The following SIPA1L2 variants were observed in gnomAD, a reference collection of about 807,000 sequenced individuals.
The protein encoded by SIPA1L2 is signal-induced proliferation-associated 1-like protein 2.
Under a neutral mutation model 163.9 loss-of-function variants are expected in SIPA1L2, and 56 were observed. That is an observed-to-expected ratio of 0.34 (90% CI 0.28 to 0.43). SIPA1L2 has a LOEUF of 0.43. Ranked by LOEUF, SIPA1L2 falls within the 20% of genes least tolerant of loss-of-function variation. The pLI is 1.00. For missense variants in SIPA1L2, 1,974 were observed against 2,193.5 expected (o/e 0.90, Z 2.00); for synonymous variants, 877 against 865.7 (o/e 1.01, Z -0.23).
At chr1:232,510,900 A>C (rs888068883) in intron 3 of SIPA1L2, among the ~76,000 whole-genome samples, 1 of 152,224 alleles carries the variant, frequency 6.6e-6, no homozygotes. Context: ...ATGTTCTAGT[A>C]TTTCAAAGTC....
intron 1 of SIPA1L2, among the ~76,000 whole-genome samples, chr1:232,623,020 G>C (rs1216791669): frequency 3.9e-5 from 6 of 152,194 alleles, no homozygotes; most frequent in Non-Finnish European, 7.3e-5. Context: ...CTGCCTGTTT[G>C]CTGCTTATGT....
At position 232,415,553 on chromosome 1, in the gene SIPA1L2, G is replaced by A. The variant is rs756539708; in HGVS notation, c.4703C>T (p.Pro1568Leu). The A allele has an allele frequency of 2.4e-5, 39 of 1,613,826 alleles. No homozygotes were observed. Among genetic ancestry groups the A allele is most frequent in the African/African-American group, 4.0e-5 (3 of 75,040 alleles). Residue 1568 changes from proline to leucine, a missense_variant, in exon 19 of 23, where the codon CCG becomes CTG. By Grantham distance (98) the Pro-to-Leu change is moderately conservative. Around this residue, in one of 3 missense-constraint regions of SIPA1L2, gnomAD observed 1,079 missense variants for 1,150.7 expected, o/e 0.94. Coordinates refer to ENST00000674635, the MANE Select transcript of SIPA1L2 (RefSeq NM_020808.5). ...CCAATCTAACCCTGTGGCTGTGTCC[G>A]GGAGGGGCATCAGGCCAGGATCTGC... is the stretch of plus-strand genomic sequence containing the variant. ...KCADPGLMPL[P>L]DTATGLDWTH...
chr1:232,574,422 T>C (rs1171995193), intron 1 of SIPA1L2, among the ~76,000 whole-genome samples, 200 bp from the exon 2 acceptor site: 2 of 149,514 alleles, frequency 1.3e-5, no homozygotes, highest in Non-Finnish European at 1.5e-5. Context: ...GAACATACGA[T>C]AGCACAAGAG....
chr1:232,617,470 T>C (rs1248275490), intron 1 of SIPA1L2, among the ~76,000 whole-genome samples: 1 of 152,244 alleles, frequency 6.6e-6, no homozygotes, highest in Non-Finnish European at 1.5e-5. Flanking sequence ...GAAAAGGTCA[T>C]GTGATCAAGA....
At chr1:232,416,143 T>C (rs900025546) in intron 18 of SIPA1L2, among the ~76,000 whole-genome samples, 2 of 150,374 alleles carry the variant, frequency 1.3e-5, no homozygotes, top group Non-Finnish European at 3.0e-5. Context: ...CCTCCCAGAG[T>C]CAGTCAGGAG....
At chr1:232,622,844 T>C (rs940683400) in intron 1 of SIPA1L2, among the ~76,000 whole-genome samples, 23 of 152,248 alleles carry the variant, frequency 1.5e-4, no homozygotes, top group African/African-American at 5.1e-4. Flanking sequence ...TGATTAGAAC[T>C]TGCTCAACAG....
intron 2 of SIPA1L2, among the ~76,000 whole-genome samples, chr1:232,554,952 A>G (rs2478158): frequency 0.65 from 98,205 of 152,172 alleles, 33,190 homozygotes; most frequent in East Asian, 0.88. Flanking sequence ...TGAAGTATTT[A>G]GCTTGCTTCC....
chr1:232,529,551 A>C (rs935815319), intron 2 of SIPA1L2, among the ~76,000 whole-genome samples: 8 of 152,160 alleles, frequency 5.3e-5, no homozygotes, highest in African/African-American at 1.9e-4. Flanking sequence ...GTGCCAGAAT[A>C]CAGCTTGGCT....
chr1:232,404,254 G>A, intron 19 of SIPA1L2, 76 bp from the exon 20 acceptor site: 1 of 1,384,976 alleles, frequency 7.2e-7, no homozygotes, highest in Non-Finnish European at 1.0e-6. Context: ...CCCACAAAAT[G>A]CGGCTGTGTG....
intron 1 of SIPA1L2, among the ~76,000 whole-genome samples, chr1:232,599,553 G>A (rs1464133558): frequency 1.3e-5 from 2 of 152,102 alleles, no homozygotes; most frequent in African/African-American, 4.8e-5. Context: ...CAGATCCTGT[G>A]TGCCCACCCT....
In SIPA1L2 at chr1:232,408,564, G is replaced by A. The variant is rs187038139; in HGVS notation, c.4763-4386C>T. Reference sequence around the variant, plus strand: ...TTCTTCATAGCTTCCTAGAGTTATTGTATCATTTTTCATATTCAAAAAGTG... The same window carrying A: ...TTCTTCATAGCTTCCTAGAGTTATTATATCATTTTTCATATTCAAAAAGTG... On this transcript the variant is annotated intron_variant, in intron 19 of 22. Coordinates refer to ENST00000674635, the MANE Select transcript of SIPA1L2 (RefSeq NM_020808.5). Among the ~76,000 whole-genome samples the A allele has an allele frequency of 2.6e-5, 4 of 152,058 alleles. No individual in the cohort carries two copies. In the East Asian group the frequency reaches 5.8e-4, roughly 22 times the overall value.
At chr1:232,412,200 T>C (rs1660995825) in intron 19 of SIPA1L2, among the ~76,000 whole-genome samples, 1 of 152,198 alleles carries the variant, frequency 6.6e-6, no homozygotes, top group African/African-American at 2.4e-5. Context: ...GAACATATCA[T>C]ATGCCAAAAT....
intron 1 of SIPA1L2, among the ~76,000 whole-genome samples, chr1:232,611,861 A>T (rs1234296289): frequency 1.3e-5 from 2 of 152,232 alleles, no homozygotes; most frequent in African/African-American, 2.4e-5. Context: ...GTTATCCCCA[A>T]GACAATGGGG....
At chr1:232,615,757 C>G (rs1662467059) in intron 1 of SIPA1L2, among the ~76,000 whole-genome samples, 1 of 152,148 alleles carries the variant, frequency 6.6e-6, no homozygotes, top group Admixed American at 6.5e-5. Context: ...CAGAACTAAA[C>G]TACTTCCAAT....
intron 2 of SIPA1L2, among the ~76,000 whole-genome samples, chr1:232,544,117 C>A (rs1452202800): frequency 1.4e-5 from 1 of 69,548 alleles, no homozygotes; most frequent in Admixed American, 1.3e-4. Context: ...TACCCCCCAA[C>A]AGAAACCTTC....
chr1:232,582,869 G>A (rs764736174), intron 1 of SIPA1L2, among the ~76,000 whole-genome samples: 11 of 152,164 alleles, frequency 7.2e-5, no homozygotes, highest in Non-Finnish European at 1.2e-4. Flanking sequence ...CCTCCATGTG[G>A]TGTTGAAAAT....
In SIPA1L2 at chr1:232,461,151, C is replaced by T. The variant is rs545174467; in HGVS notation, c.2831G>A (p.Arg944Lys). The T allele has an allele frequency of 1.3e-4, 205 of 1,614,084 alleles. No individual in the cohort carries two copies. In the East Asian group the frequency reaches 3.8e-3, roughly 30 times the overall value. Reference sequence around the variant, plus strand: ...GGTCATTTCCACAGTCTCGCAGCCTCTCGTCACTATCTAAGGGGGAAGGAG... The same window carrying T: ...GGTCATTTCCACAGTCTCGCAGCCTTTCGTCACTATCTAAGGGGGAAGGAG... ...EIVQRLVIVT[R>K]GCETVEMTLR... Residue 944 changes from arginine to lysine, a missense_variant, in exon 10 of 23, where the codon AGA becomes AAA. Physicochemically the swap from Arg to Lys is conservative, Grantham distance 26. Around this residue, in one of 3 missense-constraint regions of SIPA1L2, gnomAD observed 1,079 missense variants for 1,150.7 expected, o/e 0.94. Coordinates refer to ENST00000674635, the MANE Select transcript of SIPA1L2 (RefSeq NM_020808.5).
At chr1:232,432,877 C>G (rs939620618) in intron 15 of SIPA1L2, among the ~76,000 whole-genome samples, 2 of 152,172 alleles carry the variant, frequency 1.3e-5, no homozygotes, top group African/African-American at 2.4e-5. Flanking sequence ...ACTCACCAGA[C>G]AGGCAAAAAT....
At chr1:232,527,725 CTTTTTT>C (rs57868657) in intron 2 of SIPA1L2, among the ~76,000 whole-genome samples, 11 of 80,942 alleles carry the variant, frequency 1.4e-4, no homozygotes, top group Admixed American at 3.9e-4. Flanking sequence ...TCTTCTTCTT[CTTTTTT>C]TTTTTTTTTT....
Sources: gnomAD v4.1 joint callset for allele counts (sites outside exome capture counted in the v4.1 genomes callset) on GRCh38, gnomAD v4.1.1 for gene constraint, gnomAD v4.1.1 regional missense constraint, MANE v1.5 for transcripts, NCBI Gene and HGNC (gene_info 2026-07-23, HGNC 2026-07-21) for gene names.